RNF38: variants seen among roughly 807,000 people sequenced by gnomAD.
The protein encoded by RNF38 is ring finger protein 38.
RNF38 carries 15 observed loss-of-function variants against 67.2 expected under a neutral mutation model. The observed-to-expected ratio is 0.22, with a 90% CI of 0.15 to 0.34. The LOEUF (loss-of-function observed/expected upper bound fraction) is 0.34, where lower values mean the gene tolerates loss of function less well. Among genes scored for constraint, RNF38 ranks in the 10% least tolerant of loss-of-function variants. RNF38 has a pLI of 1.00. For missense variants in RNF38, 524 were observed against 639.9 expected, an observed-to-expected ratio of 0.82 and a Z score of 1.95; for synonymous variants, 220 against 218.8, an observed-to-expected ratio of 1.01 and a Z score of -0.05.
chr9:36,405,023 C>T (rs988767826), upstream of RNF38, among the ~76,000 whole-genome samples: 1 of 152,096 alleles, frequency 6.6e-6, no homozygotes, highest in South Asian at 2.1e-4. Context: ...GCAATCCCAG[C>T]ACTTTAGGAG....
At chr9:36,371,778 G>GT (rs1180676741) in intron 3 of RNF38, among the ~76,000 whole-genome samples, 1 of 151,738 alleles carries the variant, frequency 6.6e-6, no homozygotes, top group Non-Finnish European at 1.5e-5. Flanking sequence ...AATTTTTCTC[G>GT]TATTGCCTTC....
Position 36,389,378 on chromosome 9 carries a change from AGTATTAAGG to A in RNF38, c.162+1080_162+1088del, listed in dbSNP as rs1182997634. 4.6e-5 allele frequency among the ~76,000 whole-genome samples: 7 copies of A among 151,666 alleles called. No individual in the cohort carries two copies. In the East Asian group the frequency reaches 1.4e-3, roughly 29 times the overall value. The stretch of plus-strand genomic sequence containing the variant: ...AAAAAAAACCCTTTTTATTGGTGGC[AGTATTAAGG>A]GTATTAAGTCCATTTCTTCCACAAA... On this transcript the variant is annotated intron_variant, in intron 2 of 11. Coordinates refer to ENST00000259605, the MANE Select transcript of RNF38 (RefSeq NM_022781.5).
chr9:36,481,491 G>A (rs1232374238), intron 1 of RNF38, among the ~76,000 whole-genome samples: 1 of 152,140 alleles, frequency 6.6e-6, no homozygotes, highest in African/African-American at 2.4e-5. Context: ...AGGCCTGCAG[G>A]TAAGAATTGT....
At chr9:36,343,237 G>A (rs912719237) in intron 10 of RNF38, among the ~76,000 whole-genome samples, 1 of 152,124 alleles carries the variant, frequency 6.6e-6, no homozygotes, top group Non-Finnish European at 1.5e-5. Context: ...TAAACATTTT[G>A]TGCTTCAAAG....
rs557261265 is a variant in RNF38, at chr9:36,460,535, C to T, written n.241+26773G>A. Among the ~76,000 whole-genome samples the T allele has an allele frequency of 2.7e-4, 41 of 152,116 alleles. 1 individual carries two copies. The highest frequency in any genetic ancestry group is 5.4e-4 in the Non-Finnish European group (37 of 68,004). Reference sequence around the variant, plus strand: ...GTGGGAAACAGACTTTTCCTAGTCCCAGAACACTTAATGGACTGGAAGCAG... The same window carrying T: ...GTGGGAAACAGACTTTTCCTAGTCCTAGAACACTTAATGGACTGGAAGCAG... On this transcript the variant is annotated intron_variant and non_coding_transcript_variant, in intron 1 of 3. Transcript: ENST00000488058.
intron 1 of RNF38, among the ~76,000 whole-genome samples, chr9:36,428,447 T>C (rs1838845498): frequency 2.7e-5 from 3 of 109,798 alleles, no homozygotes; most frequent in Admixed American, 2.7e-4. Flanking sequence ...AGTACAACTA[T>C]TGTTTACATA....
chr9:36,339,949 CTT>C, intron 11 of RNF38, 135 bp from the exon 12 acceptor site: 1 of 775,040 alleles, frequency 1.3e-6, no homozygotes, highest in Non-Finnish European at 2.1e-6. Flanking sequence ...CAATTTTTGC[CTT>C]TTTTTAACCC....
intron 1 of RNF38, among the ~76,000 whole-genome samples, chr9:36,449,920 AG>A (rs1839396289): frequency 6.6e-6 from 1 of 152,174 alleles, no homozygotes; most frequent in South Asian, 2.1e-4. Flanking sequence ...ACTGATTTAA[AG>A]GCTGGTCTAG....
chr9:36,475,333 A>C (rs1157400588), intron 1 of RNF38, among the ~76,000 whole-genome samples: 1 of 151,986 alleles, frequency 6.6e-6, no homozygotes, highest in Non-Finnish European at 1.5e-5. Context: ...CCAAATTATT[A>C]TTAATATTAG....
At chr9:36,430,719 A>G (rs1838910575) in intron 1 of RNF38, among the ~76,000 whole-genome samples, 1 of 152,140 alleles carries the variant, frequency 6.6e-6, no homozygotes. Flanking sequence ...TTGAATGGAA[A>G]TATGAGGACT....
chr9:36,484,208 A>G (rs981737377), intron 1 of RNF38, among the ~76,000 whole-genome samples: 3 of 152,232 alleles, frequency 2.0e-5, no homozygotes, highest in Non-Finnish European at 4.4e-5. Context: ...CATCTATTTC[A>G]ACAAAGCTCA....
At chr9:36,416,569 T>C (rs1033201463) in intron 2 of RNF38, among the ~76,000 whole-genome samples, 1 of 151,958 alleles carries the variant, frequency 6.6e-6, no homozygotes, top group African/African-American at 2.4e-5. Context: ...CCAGGAAAAT[T>C]TGCACTCAGT....
chr9:36,439,255 T>A (rs930756286), intron 1 of RNF38, among the ~76,000 whole-genome samples: 5 of 152,246 alleles, frequency 3.3e-5, no homozygotes, highest in Non-Finnish European at 5.9e-5. Flanking sequence ...TACTTGCTAA[T>A]AGTATATGTA....
In RNF38 at chr9:36,442,980, G is replaced by C. The variant is rs149657870; in HGVS notation, n.242-18297C>G. On this transcript the variant is annotated intron_variant and non_coding_transcript_variant, in intron 1 of 3. Transcript: ENST00000488058. Reference sequence around the variant, plus strand: ...GAGATTAGTAAGTCCTCCTCTGGGCGCAAAGAGAAGCCAAGGGAATTACAC... The same window carrying C: ...GAGATTAGTAAGTCCTCCTCTGGGCCCAAAGAGAAGCCAAGGGAATTACAC... 7.6e-4 allele frequency among the ~76,000 whole-genome samples: 115 copies of C among 152,286 alleles called. 1 individual carries two copies. The East Asian group carries it at 0.018, about 24-fold the overall frequency.
intron 1 of RNF38, among the ~76,000 whole-genome samples, chr9:36,473,985 C>T (rs1418855300): frequency 8.7e-6 from 1 of 114,880 alleles, no homozygotes; most frequent in Admixed American, 1.0e-4. Context: ...GACTCCATCT[C>T]GGGAAAAAAA....
chr9:36,348,476 C>T (rs1461258852), intron 9 of RNF38, among the ~76,000 whole-genome samples: 1 of 151,862 alleles, frequency 6.6e-6, no homozygotes, highest in African/African-American at 2.4e-5. Flanking sequence ...CTGTCTCAAA[C>T]AAAACAAACA....
intron 2 of RNF38, among the ~76,000 whole-genome samples, chr9:36,381,946 C>G (rs1011003503): frequency 6.6e-6 from 1 of 152,180 alleles, no homozygotes; most frequent in Non-Finnish European, 1.5e-5. Context: ...GCCAGTAGTT[C>G]TCAAACCTTC....
chr9:36,381,998 C>CT (rs1247148764), intron 2 of RNF38, among the ~76,000 whole-genome samples: 1 of 152,228 alleles, frequency 6.6e-6, no homozygotes, highest in Non-Finnish European at 1.5e-5. Context: ...CTCACTCCCC[C>CT]GTCTCTAATT....
At chr9:36,359,290 T>A (rs1184760662) in intron 4 of RNF38, among the ~76,000 whole-genome samples, 1 of 151,732 alleles carries the variant, frequency 6.6e-6, no homozygotes, top group Non-Finnish European at 1.5e-5. Context: ...TTTTTTTTTT[T>A]AAATGTAGCC....
Sources: allele counts gnomAD v4.1 joint callset (sites outside exome capture counted in the v4.1 genomes callset), GRCh38; gene constraint gnomAD v4.1.1; transcripts MANE v1.5; gene names NCBI Gene and HGNC (gene_info 2026-07-23, HGNC 2026-07-21).